PREP: variants seen among roughly 807,000 people sequenced by gnomAD.
PREP encodes prolyl endopeptidase.
In PREP, 29 loss-of-function variants were observed where a neutral mutation model predicts 87.6. The observed-to-expected ratio is 0.33, with a 90% CI of 0.25 to 0.45. PREP has a LOEUF of 0.45. Ranked by LOEUF, PREP falls within the 20% of genes least tolerant of loss-of-function variation. The pLI, the probability that PREP is intolerant of heterozygous loss-of-function variation, is 1.00. For missense variants in PREP, 695 were observed against 886.5 expected, an observed-to-expected ratio of 0.78 and a Z score of 2.74; for synonymous variants, 337 against 328.6, an observed-to-expected ratio of 1.03 and a Z score of -0.28.
intron 10 of PREP, among the ~76,000 whole-genome samples, chr6:105,309,579 TTTC>T (rs1311697110): frequency 4.6e-5 from 7 of 151,920 alleles, no homozygotes; most frequent in Non-Finnish European, 1.0e-4. Flanking sequence ...ACTACCTTTT[TTTC>T]TTTTTTCTTT....
chr6:105,356,758 T>C (rs1465659257), intron 6 of PREP, among the ~76,000 whole-genome samples: 2 of 152,232 alleles, frequency 1.3e-5, no homozygotes, highest in African/African-American at 4.8e-5. Flanking sequence ...CTATTTTGCA[T>C]AGTTTCCTAG....
chr6:105,350,449 T>A (rs1005526282), intron 7 of PREP, among the ~76,000 whole-genome samples: 4 of 152,206 alleles, frequency 2.6e-5, no homozygotes, highest in African/African-American at 9.6e-5. Flanking sequence ...GTGGTTATTA[T>A]CCCAATATAT....
intron 10 of PREP, among the ~76,000 whole-genome samples, chr6:105,295,642 T>C (rs1770394413): frequency 6.6e-6 from 1 of 152,108 alleles, no homozygotes; most frequent in Non-Finnish European, 1.5e-5. Flanking sequence ...CCTGTTGGTG[T>C]ATGTCCTTCC....
At chr6:105,375,231 T>A (rs775896374) in intron 4 of PREP, among the ~76,000 whole-genome samples, 6 of 152,138 alleles carry the variant, frequency 3.9e-5, no homozygotes, top group South Asian at 4.2e-4. Context: ...TTTGCACAGG[T>A]CTGATGGAAC....
At chr6:105,339,139 G>C (rs539450998) in intron 7 of PREP, among the ~76,000 whole-genome samples, 1 of 152,328 alleles carries the variant, frequency 6.6e-6, no homozygotes, top group East Asian at 1.9e-4. Context: ...CTCCCAGTAG[G>C]GGCTGATTGA....
At chr6:105,307,267 A>G (rs1770674912) in intron 10 of PREP, among the ~76,000 whole-genome samples, 1 of 152,006 alleles carries the variant, frequency 6.6e-6, no homozygotes, top group Admixed American at 6.5e-5. Flanking sequence ...CAGTATTTGT[A>G]TGAATTTGTA....
At chr6:105,383,419 C>T (rs1048698509) in intron 2 of PREP, among the ~76,000 whole-genome samples, 2 of 152,174 alleles carry the variant, frequency 1.3e-5, no homozygotes, top group Non-Finnish European at 2.9e-5. Flanking sequence ...ACATGAAGTG[C>T]TTTCTTTTCC....
rs548785929 is a variant in PREP, at chr6:105,282,705, C to T, written c.1550-123G>A. ...GATTAACTTAAAAACCATGGGTTAACACTGCATTTAAAAAAAAGCCTCAAT... is the reference window on the plus strand; with the variant it reads ...GATTAACTTAAAAACCATGGGTTAATACTGCATTTAAAAAAAAGCCTCAAT... On this transcript the variant is annotated intron_variant, in intron 12 of 14. Transcript: ENST00000652536. 11 of 1,109,814 alleles carry T rather than the reference C, an allele frequency of 9.9e-6. No homozygotes were observed. The South Asian group carries it at 1.7e-4, about 17-fold the overall frequency. 68.7% of individuals were successfully genotyped at this position (1,109,814 alleles called of 1,614,324 possible).
At chr6:105,367,687 A>T (rs997574769) in intron 6 of PREP, among the ~76,000 whole-genome samples, 2 of 151,998 alleles carry the variant, frequency 1.3e-5, no homozygotes, top group African/African-American at 2.4e-5. Flanking sequence ...AAAAAAAAAA[A>T]AGAAAAACGG....
intron 2 of PREP, among the ~76,000 whole-genome samples, chr6:105,391,034 T>TACAC (rs59538588): frequency 0.082 from 11,533 of 141,306 alleles, 578 homozygotes; most frequent in African/African-American, 0.14. Flanking sequence ...TCTGGTTTTA[T>TACAC]ACACACACAC....
chr6:105,304,126 C>T (rs1004149050), intron 10 of PREP, among the ~76,000 whole-genome samples: 1 of 151,740 alleles, frequency 6.6e-6, no homozygotes, highest in Admixed American at 6.6e-5. Context: ...TTAAACCCAA[C>T]AAAAAATAAT....
chr6:105,355,239 C>G (rs1772065911), intron 6 of PREP, among the ~76,000 whole-genome samples: 1 of 152,004 alleles, frequency 6.6e-6, no homozygotes, highest in Admixed American at 6.6e-5. Flanking sequence ...ATGCCTTCCA[C>G]CATGCTCAGC....
At chr6:105,309,903 T>C (rs1159095308) in intron 10 of PREP, among the ~76,000 whole-genome samples, 2 of 152,218 alleles carry the variant, frequency 1.3e-5, no homozygotes, top group African/African-American at 4.8e-5. Flanking sequence ...TCACTTAACA[T>C]GCCATTGAAC....
chr6:105,304,016 C>A (rs1198769531), intron 10 of PREP, among the ~76,000 whole-genome samples: 3 of 152,210 alleles, frequency 2.0e-5, no homozygotes, highest in Non-Finnish European at 4.4e-5. Flanking sequence ...TAAAAATATT[C>A]TCTCATTTTA....
intron 7 of PREP, among the ~76,000 whole-genome samples, chr6:105,350,078 T>C (rs1237969660): frequency 6.6e-6 from 1 of 152,156 alleles, no homozygotes; most frequent in Admixed American, 6.6e-5. Flanking sequence ...AATTTGAAAA[T>C]CTGTATTTAG....
chr6:105,287,289 T>C (rs3799999), intron 11 of PREP, among the ~76,000 whole-genome samples: 37,821 of 152,096 alleles, frequency 0.25, 7,351 homozygotes, highest in African/African-American at 0.55. Flanking sequence ...TCCTCATGTC[T>C]GGAATGTTGC....
At chr6:105,381,551 C>T (rs567494954) in intron 2 of PREP, among the ~76,000 whole-genome samples, 6 of 152,270 alleles carry the variant, frequency 3.9e-5, no homozygotes, top group Admixed American at 2.6e-4. Flanking sequence ...TTTCAGTACC[C>T]GCAGTCTCAT....
intron 10 of PREP, among the ~76,000 whole-genome samples, chr6:105,300,520 T>TA: frequency 6.6e-6 from 1 of 152,298 alleles, no homozygotes; most frequent in South Asian, 2.1e-4. Flanking sequence ...AGTAATCAAT[T>TA]AAATTTAAAG....
chr6:105,387,662 A>G (rs1326768841), intron 2 of PREP, among the ~76,000 whole-genome samples: 1 of 152,214 alleles, frequency 6.6e-6, no homozygotes, highest in Non-Finnish European at 1.5e-5. Flanking sequence ...AGAAAAAGAA[A>G]AAGTCGCAAA....
Sources: allele counts gnomAD v4.1 joint callset (sites outside exome capture counted in the v4.1 genomes callset), GRCh38; gene constraint gnomAD v4.1.1; transcripts MANE v1.5; gene names NCBI Gene and HGNC (gene_info 2026-07-23, HGNC 2026-07-21).